Variants in TSPAN14 observed in about 807,000 individuals in gnomAD.
TSPAN14 encodes tetraspanin-14.
Under a neutral mutation model 36.6 loss-of-function variants are expected in TSPAN14, and 16 were observed. That is an observed-to-expected ratio of 0.44 (90% CI 0.30 to 0.66). The LOEUF (loss-of-function observed/expected upper bound fraction) is 0.66. Ranked by LOEUF, TSPAN14 falls within the 30% of genes least tolerant of loss-of-function variation. The probability of loss-of-function intolerance (pLI) is 0.12; values close to 1 mark genes in which losing one functional copy is unlikely to be tolerated. For missense variants in TSPAN14, 231 were observed against 355.1 expected, an observed-to-expected ratio of 0.65 and a Z score of 2.81; for synonymous variants, 139 against 143.8, an observed-to-expected ratio of 0.97 and a Z score of 0.24.
At chr10:80,488,482 C>T (rs974089330) in intron 1 of TSPAN14, among the ~76,000 whole-genome samples, 1 of 152,012 alleles carries the variant, frequency 6.6e-6, no homozygotes, top group Non-Finnish European at 1.5e-5. Flanking sequence ...AGCTTCATTA[C>T]AGCCCTGGAG....
At chr10:80,506,888 C>G (rs139026781) in intron 3 of TSPAN14, among the ~76,000 whole-genome samples, 54 of 152,368 alleles carry the variant, frequency 3.5e-4, no homozygotes, top group African/African-American at 1.3e-3. Flanking sequence ...GGTCAGCCAC[C>G]TGGGTGACCA....
chr10:80,481,251 G>T (rs933737129), intron 1 of TSPAN14, among the ~76,000 whole-genome samples: 2 of 152,182 alleles, frequency 1.3e-5, no homozygotes, highest in Non-Finnish European at 2.9e-5. Flanking sequence ...GGAATTCTGT[G>T]CACTGGTCCA....
At chr10:80,514,893 C>G (rs991455749) in intron 7 of TSPAN14, among the ~76,000 whole-genome samples, 2 of 152,054 alleles carry the variant, frequency 1.3e-5, no homozygotes. Flanking sequence ...ATGTAAGAGG[C>G]CCAGAGAGCT....
chr10:80,476,632 G>T lies in TSPAN14; in HGVS notation c.-17-12585G>T, dbSNP rs530176638. Among the ~76,000 whole-genome samples the T allele has an allele frequency of 9.5e-4, 144 of 152,046 alleles. 2 individuals carry two copies. The highest frequency in any genetic ancestry group is 3.4e-3 in the African/African-American group (142 of 41,478). On this transcript the variant is annotated intron_variant, in intron 1 of 8. Transcript: ENST00000429989. Reference sequence around the variant, plus strand: ...GGGTTTTACCATGTTAGCCAAGATGGTCTCGATATCCTGACCTCGTGATCT... The same window carrying T: ...GGGTTTTACCATGTTAGCCAAGATGTTCTCGATATCCTGACCTCGTGATCT...
chr10:80,454,738 G>A (rs1224718986), intron 1 of TSPAN14, among the ~76,000 whole-genome samples: 1 of 152,174 alleles, frequency 6.6e-6, no homozygotes, highest in Admixed American at 6.5e-5. Flanking sequence ...GAGCCTGGAC[G>A]GCCGCTGCTG....
intron 1 of TSPAN14, among the ~76,000 whole-genome samples, chr10:80,483,317 T>A (rs1258385845): frequency 6.6e-6 from 1 of 152,200 alleles, no homozygotes; most frequent in African/African-American, 2.4e-5. Flanking sequence ...AAATCACTTG[T>A]AAGTCCACCA....
At chr10:80,455,329 A>G (rs1845688238) in intron 1 of TSPAN14, among the ~76,000 whole-genome samples, 1 of 152,058 alleles carries the variant, frequency 6.6e-6, no homozygotes, top group African/African-American at 2.4e-5. Flanking sequence ...CGGCGGTGTC[A>G]CACACTCGTT....
chr10:80,462,059 A>T (rs1223395501), intron 1 of TSPAN14, among the ~76,000 whole-genome samples: 10 of 152,046 alleles, frequency 6.6e-5, no homozygotes, highest in Non-Finnish European at 2.9e-5. Flanking sequence ...GACCACAGGC[A>T]TGCAGCACCA....
chr10:80,475,710 C>A (rs536631891), intron 1 of TSPAN14, among the ~76,000 whole-genome samples: 1 of 152,202 alleles, frequency 6.6e-6, no homozygotes, highest in Admixed American at 6.5e-5. Flanking sequence ...CCTCAGCCTC[C>A]CAAGTAGCTA....
chr10:80,481,975 G>A (rs1256241945), intron 1 of TSPAN14, among the ~76,000 whole-genome samples: 1 of 152,004 alleles, frequency 6.6e-6, no homozygotes, highest in African/African-American at 2.4e-5. Context: ...GGATGGTCTC[G>A]ATCTCCTGAC....
At chr10:80,515,571 C>A (rs1840891538) in intron 7 of TSPAN14, 1 of 152,502 alleles carries the variant, frequency 6.6e-6, no homozygotes, top group South Asian at 2.1e-4. Flanking sequence ...GCTCCTAACA[C>A]CTCTAAAATT....
At chr10:80,520,688 A>G (rs369004959) in exon 9 of TSPAN14, 11 of 533,056 alleles carry the variant, frequency 2.1e-5, no homozygotes, top group African/African-American at 7.7e-5. Flanking sequence ...CCGAGGCCCT[A>G]TGGCTCCCTC....
chr10:80,514,058 A>T (rs1287793454), exon 7 of TSPAN14: 4 of 1,613,778 alleles, frequency 2.5e-6, no homozygotes, highest in Non-Finnish European at 2.5e-6. Context: ...TGATGTCAGG[A>T]TTCAGGTGAG....
At chr10:80,478,910 A>T (rs1847077857) in intron 1 of TSPAN14, among the ~76,000 whole-genome samples, 1 of 152,170 alleles carries the variant, frequency 6.6e-6, no homozygotes, top group Non-Finnish European at 1.5e-5. Flanking sequence ...TCCCACCAAC[A>T]GTGTAAAAGT....
intron 2 of TSPAN14, among the ~76,000 whole-genome samples, chr10:80,504,060 C>T (rs747137104): frequency 6.6e-6 from 1 of 152,144 alleles, no homozygotes. Flanking sequence ...TCCTCTGGGG[C>T]GAGCTCATTG....
At chr10:80,470,618 A>G (rs1846492599) in intron 1 of TSPAN14, among the ~76,000 whole-genome samples, 1 of 152,250 alleles carries the variant, frequency 6.6e-6, no homozygotes, top group Admixed American at 6.5e-5. Context: ...AACACTTCAA[A>G]TCTACATTAG....
chr10:80,488,884 T>C (rs1377414669), intron 1 of TSPAN14, among the ~76,000 whole-genome samples: 1 of 152,146 alleles, frequency 6.6e-6, no homozygotes, highest in Non-Finnish European at 1.5e-5. Context: ...TCCTCAACCA[T>C]GAAGTGGAAA....
exon 9 of TSPAN14, chr10:80,521,592 GC>G: frequency 6.6e-6 from 1 of 152,306 alleles, no homozygotes; most frequent in East Asian, 1.9e-4. Context: ...ACTACCTGCA[GC>G]CCTGTTCTCA....
At chr10:80,489,860 C>T (rs1348766563) in intron 2 of TSPAN14, among the ~76,000 whole-genome samples, 1 of 152,246 alleles carries the variant, frequency 6.6e-6, no homozygotes, top group African/African-American at 2.4e-5. Context: ...AACTTGAGTA[C>T]TAATGAAGAG....
Sources: allele counts gnomAD v4.1 joint callset (sites outside exome capture counted in the v4.1 genomes callset), GRCh38; gene constraint gnomAD v4.1.1; transcripts MANE v1.5; gene names NCBI Gene and HGNC (gene_info 2026-07-23, HGNC 2026-07-21).